Variants in DNAH5 observed in about 807,000 individuals in gnomAD.
The protein encoded by DNAH5 is dynein axonemal heavy chain 5.
Under a neutral mutation model 518.2 loss-of-function variants are expected in DNAH5, and 372 were observed. That is an observed-to-expected ratio of 0.72 (90% CI 0.66 to 0.78). The LOEUF is 0.78. Among genes scored for constraint, DNAH5 ranks in the 30% least tolerant of loss-of-function variants. DNAH5 has a pLI of 0.00. For synonymous variants in DNAH5, 2,039 were observed against 2,025.9 expected (o/e 1.01, Z -0.17); for missense variants, 5,523 against 5,687.0 (o/e 0.97, Z 0.93).
intron 65 of DNAH5, among the ~76,000 whole-genome samples, chr5:13,738,482 C>T (rs1747914573): frequency 6.6e-6 from 1 of 152,200 alleles, no homozygotes; most frequent in African/African-American, 2.4e-5. Flanking sequence ...GAAAAGTCTT[C>T]TTGGCCTGCT....
Position 13,913,937 on chromosome 5 carries a change from TG to T in DNAH5, c.1341del (p.His447GlnfsTer37). ...TTTTGTTTAAGCTTTTGTTTTGTCT[TG>T]TGAAAGCAGAGCTGGTATTCCTTAA... The part of the protein sequence containing the change: ...KLKQEYQLCF[H>X]KTKQKLKQNP... On this transcript the variant is annotated frameshift_variant, in exon 11 of 79. Coordinates refer to ENST00000265104, the MANE Select transcript of DNAH5 (RefSeq NM_001369.3). LOFTEE classifies it high-confidence loss of function. The T allele has an allele frequency of 6.2e-7, 1 of 1,613,214 alleles. No individual in the cohort carries two copies. Among genetic ancestry groups the T allele is most frequent in the Non-Finnish European group, 8.5e-7 (1 of 1,179,318 alleles).
intron 53 of DNAH5, among the ~76,000 whole-genome samples, chr5:13,780,008 T>C (rs192595200): frequency 6.6e-6 from 1 of 152,196 alleles, no homozygotes; most frequent in South Asian, 2.1e-4. Context: ...AGTCTGACTT[T>C]TTATCATCAC....
In DNAH5 at chr5:13,902,125, T is replaced by C. The variant is rs767525835; in HGVS notation, c.1658A>G (p.Lys553Arg). The change falls in exon 13 of 79, where the codon AAG (lysine) becomes AGG (arginine). Residue 553 changes from lysine (K) to arginine (R), a missense_variant. Lys to Arg is a conservative substitution (Grantham distance 26). Around this residue, in one of 3 missense-constraint regions of DNAH5, gnomAD observed 5,121 missense variants for 5,223.3 expected, o/e 0.98. Coordinates refer to ENST00000265104, the MANE Select transcript of DNAH5 (RefSeq NM_001369.3). ...QTNDLHNELR[K>R]FMDVTFAKIQ... The stretch of plus-strand genomic sequence containing the variant: ...CTTTGCAAATGTAACATCCATGAAC[T>C]TCCGCAACTCGTTCTAAAACAGAAT... 2.4e-5 allele frequency: 39 copies of C among 1,607,042 alleles called. No homozygotes were observed. The highest frequency in any genetic ancestry group is 3.1e-5 in the Non-Finnish European group (36 of 1,175,202).
intron 2 of DNAH5, 124 bp downstream of exon 2, chr5:13,930,986 G>T: frequency 7.1e-7 from 1 of 1,412,174 alleles, no homozygotes; most frequent in Non-Finnish European, 1.0e-6. Context: ...TCAGAATGGA[G>T]CCCTGTCCAC....
chr5:13,901,972 AAATAAT>A lies in DNAH5; in HGVS notation c.1730+75_1730+80del, dbSNP rs966053659. On this transcript the variant is annotated intron_variant, in intron 13 of 78. Transcript: ENST00000265104. The stretch of plus-strand genomic sequence containing the variant: ...AGGTTTTCCTTTCCATCAGAATATG[AAATAAT>A]AATAATAGGAATAACAACAATAAAA... The A allele has an allele frequency of 1.5e-4, 160 of 1,052,680 alleles. 1 individual carries two copies. In the East Asian group the frequency reaches 4.1e-3, roughly 27 times the overall value. The allele number at this position is 1,052,680 out of a possible 1,614,324, so 65.2% of individuals were successfully genotyped here.
chr5:13,938,316 A>G lies in DNAH5; in HGVS notation c.57+6066T>C, dbSNP rs1027039358. Among the ~76,000 whole-genome samples, 3 of 152,060 alleles carry G rather than the reference A, an allele frequency of 2.0e-5. No homozygotes were observed. The East Asian group carries it at 5.8e-4, about 29-fold the overall frequency. ...CTATATCACAATGCCTACAGCATTC[A>G]CCTCACTTCATCTCATTATGCAGGC... On this transcript the variant is annotated intron_variant, in intron 1 of 78. Transcript: ENST00000265104.
chr5:13,710,998 C>A (rs1283929407), intron 75 of DNAH5, among the ~76,000 whole-genome samples: 1 of 152,118 alleles, frequency 6.6e-6, no homozygotes, highest in Non-Finnish European at 1.5e-5. Flanking sequence ...AAAGAAGAAA[C>A]CCTCCTTAAT....
At chr5:13,733,355 A>G (rs1746877977) in intron 68 of DNAH5, among the ~76,000 whole-genome samples, 1 of 152,218 alleles carries the variant, frequency 6.6e-6, no homozygotes, top group Non-Finnish European at 1.5e-5. Context: ...CACTCTCTTC[A>G]AAGTTATTTC....
intron 17 of DNAH5, among the ~76,000 whole-genome samples, chr5:13,889,755 A>G (rs76466963): frequency 0.015 from 2,325 of 152,210 alleles, 63 homozygotes; most frequent in African/African-American, 0.051. Context: ...AGCTCCGGGC[A>G]AGCCTCACAG....
At chr5:13,938,598 A>T (rs541359716) in intron 1 of DNAH5, among the ~76,000 whole-genome samples, 126 of 151,948 alleles carry the variant, frequency 8.3e-4, no homozygotes, top group African/African-American at 2.9e-3. Flanking sequence ...TATGAAAAAA[A>T]CATAGTATAT....
chr5:13,996,318 A>C (rs1003096813), intron 1 of DNAH5, among the ~76,000 whole-genome samples: 3 of 152,054 alleles, frequency 2.0e-5, no homozygotes, highest in Non-Finnish European at 4.4e-5. Flanking sequence ...GCCACCCCCG[A>C]CCCCGAATTC....
At position 13,737,389 on chromosome 5, in the gene DNAH5, C is replaced by T; in HGVS notation, c.11318G>A (p.Gly3773Glu). The change falls in exon 66 of 79, where the codon GGG becomes GAG. Residue 3773 changes from glycine to glutamate, a missense_variant. Gly to Glu is a moderately conservative substitution (Grantham distance 98, BLOSUM62 -2). Coordinates refer to ENST00000265104, the MANE Select transcript of DNAH5 (RefSeq NM_001369.3). Reference protein sequence around the residue: ...NLLYRLTSTQGSLVEDESLIV... With the variant: ...NLLYRLTSTQESLVEDESLIV... ...GAGACTTTCATCTTCTACCAGGGAC[C>T]CCTGGGTACTTGTCAGGCGGTAAAG... 6.2e-7 allele frequency: 1 copy of T among 1,614,118 alleles called. No homozygotes were observed. Among genetic ancestry groups the T allele is most frequent in the Non-Finnish European group, 8.5e-7 (1 of 1,180,014 alleles).
At position 13,793,560 on chromosome 5, in the gene DNAH5, A is replaced by G; in HGVS notation, c.8179T>C (p.Phe2727Leu). Residue 2727 changes from phenylalanine to leucine, a missense_variant, in exon 49 of 79, where the codon TTT becomes CTT. Physicochemically the swap from Phe to Leu is conservative, Grantham distance 22. This residue lies in a region of DNAH5 where 5,121 missense variants were observed against 5,223.3 expected (regional missense o/e 0.98). Coordinates refer to ENST00000265104, the MANE Select transcript of DNAH5 (RefSeq NM_001369.3). ...PQRLKRQFSI[F>L]NCTLPSEASV... ...GCTTCAGAGGGCAACGTGCAATTAA[A>G]TATAGAGAACTGCCTCTTGAGTCTT... is the stretch of plus-strand genomic sequence containing the variant. 6.2e-7 allele frequency: 1 copy of G among 1,614,148 alleles called. No individual in the cohort carries two copies.
intron 66 of DNAH5, among the ~76,000 whole-genome samples, chr5:13,736,477 C>T (rs1391852854): frequency 1.3e-5 from 2 of 152,136 alleles, no homozygotes; most frequent in East Asian, 3.9e-4. Flanking sequence ...TCACTGCAAC[C>T]TCCGCCTCCT....
chr5:13,692,043 C>G lies in DNAH5; in HGVS notation c.13816G>C (p.Ala4606Pro). The G allele has an allele frequency of 6.2e-7, 1 of 1,614,096 alleles. No homozygotes were observed. The highest frequency in any genetic ancestry group is 1.1e-5 in the South Asian group (1 of 91,082). ...NYIAAVDLRT[A>P]QTPEHWVLRG... is the part of the protein sequence containing the mutation. ...AGCACCCAGTGTTCAGGGGTCTGGGCTGTCCTGAGATCCACAGCGGCAATG... is the reference window on the plus strand; with the variant it reads ...AGCACCCAGTGTTCAGGGGTCTGGGGTGTCCTGAGATCCACAGCGGCAATG... Residue 4606 changes from alanine to proline, a missense_variant, in exon 79 of 79, where the codon GCC (alanine) becomes CCC (proline). This residue lies in a region of DNAH5 where 387 missense variants were observed against 430.0 expected (regional missense o/e 0.90). Transcript: ENST00000265104.
At chr5:13,850,603 C>T (rs1399038891) in intron 31 of DNAH5, 49 bp downstream of exon 31, 3 of 1,559,254 alleles carry the variant, frequency 1.9e-6, no homozygotes. Flanking sequence ...CTCCCTGTAT[C>T]CTTTTGTCTC....
chr5:13,812,193 T>C (rs1172275886), intron 43 of DNAH5, among the ~76,000 whole-genome samples: 1 of 152,104 alleles, frequency 6.6e-6, no homozygotes, highest in African/African-American at 2.4e-5. Context: ...GGAGAAATAG[T>C]CTTCAACTCT....
intron 17 of DNAH5, among the ~76,000 whole-genome samples, chr5:13,888,079 A>G (rs1772677849): frequency 6.6e-6 from 1 of 151,950 alleles, no homozygotes; most frequent in Non-Finnish European, 1.5e-5. Flanking sequence ...TGACACGGGG[A>G]CTCAAACAAC....
At chr5:13,814,877 A>T (rs1374598133) in intron 42 of DNAH5, 31 bp from the exon 43 acceptor site, 5 of 1,607,222 alleles carry the variant, frequency 3.1e-6, no homozygotes, top group Admixed American at 3.3e-5. Context: ...GAAAAAAAAA[A>T]TACATACACT....
Sources: allele counts gnomAD v4.1 joint callset (sites outside exome capture counted in the v4.1 genomes callset), GRCh38; gene constraint gnomAD v4.1.1; regional missense constraint gnomAD v4.1.1; transcripts MANE v1.5; gene names NCBI Gene and HGNC (gene_info 2026-07-23, HGNC 2026-07-21).